The following COL6A3 variants were observed in gnomAD, a reference collection of about 807,000 sequenced individuals.
COL6A3 encodes the protein collagen alpha-3(VI) chain.
A neutral mutation model predicts 274.1 loss-of-function variants in COL6A3; 137 were observed. The ratio of observed to expected loss-of-function variants is 0.50; its 90% CI spans 0.44 to 0.58. COL6A3 has a LOEUF of 0.58. Ranked by LOEUF, COL6A3 falls within the 20% of genes least tolerant of loss-of-function variation. The probability of loss-of-function intolerance (pLI) is 0.00; values close to 1 mark genes in which losing one functional copy is unlikely to be tolerated. For missense variants in COL6A3, 3,950 were observed against 4,124.9 expected (o/e 0.96, Z 1.16); for synonymous variants, 1,650 against 1,650.6 (o/e 1.00, Z 0.01).
chr2:237,338,635 G>A (rs1398322037), intron 39 of COL6A3, among the ~76,000 whole-genome samples: 1 of 152,174 alleles, frequency 6.6e-6, no homozygotes, highest in Non-Finnish European at 1.5e-5. Flanking sequence ...AGGCATGGCT[G>A]CATGCACCTG....
chr2:237,337,064 T>C, intron 39 of COL6A3, among the ~76,000 whole-genome samples: 1 of 152,296 alleles, frequency 6.6e-6, no homozygotes, highest in Admixed American at 6.5e-5. Flanking sequence ...TATTTTTTTT[T>C]ACAATTTCTT....
chr2:237,366,962 C>G lies in COL6A3; in HGVS notation c.5225G>C (p.Arg1742Pro), dbSNP rs886042855. Residue 1742 changes from arginine to proline, a missense_variant, in exon 11 of 44, where the codon CGG becomes CCG. By Grantham distance (103) the Arg-to-Pro change is moderately radical (BLOSUM62 -2). Coordinates refer to ENST00000295550, the MANE Select transcript of COL6A3 (RefSeq NM_004369.4). ...VPEAGSRLDQ[R>P]VPQIAFVITG... is the part of the protein sequence containing the mutation. ...GATCACAAAGGCAATCTGAGGGACCCGCTGGTCCAGGCGGCTGCCTGCCTC... is the reference window on the plus strand; with the variant it reads ...GATCACAAAGGCAATCTGAGGGACCGGCTGGTCCAGGCGGCTGCCTGCCTC... The G allele has an allele frequency of 6.2e-7, 1 of 1,614,244 alleles. No individual in the cohort carries two copies. Among genetic ancestry groups the G allele is most frequent in the East Asian group, 2.2e-5 (1 of 44,888 alleles).
chr2:237,369,079 T>C lies in COL6A3; in HGVS notation c.4384A>G (p.Ile1462Val), dbSNP rs1350113779. ...GGGCCGATGTTGAGTCTTCGAACAA[T>C]CCTGCTAACAAAATCTCGAATATGT... ...FAHIRDFVSRIVRRLNIGPSK... is the reference protein window; with the variant it reads ...FAHIRDFVSRVVRRLNIGPSK... The change falls in exon 10 of 44, where the codon ATT (isoleucine) becomes GTT (valine). Residue 1462 changes from isoleucine to valine, a missense_variant. This residue lies in a region of COL6A3 where 1,934 missense variants were observed against 1,984.3 expected (regional missense o/e 0.97). Coordinates refer to ENST00000295550, the MANE Select transcript of COL6A3 (RefSeq NM_004369.4). 6.2e-7 allele frequency: 1 copy of C among 1,614,206 alleles called. No homozygotes were observed. Among genetic ancestry groups the C allele is most frequent in the Admixed American group, 1.7e-5 (1 of 60,026 alleles).
intron 41 of COL6A3, 56 bp downstream of exon 41, chr2:237,334,570 C>T: frequency 6.3e-7 from 1 of 1,577,586 alleles, no homozygotes; most frequent in Non-Finnish European, 8.7e-7. Flanking sequence ...CCTTTGTGTC[C>T]TATTTGATAC....
intron 10 of COL6A3, among the ~76,000 whole-genome samples, chr2:237,367,854 T>TA (rs1270128478): frequency 9.2e-5 from 14 of 152,116 alleles, no homozygotes; most frequent in Non-Finnish European, 1.6e-4. Context: ...TTCTTGATTA[T>TA]AATTAAGCAA....
chr2:237,409,406 A>T (rs12477690), intron 1 of COL6A3, among the ~76,000 whole-genome samples: 38,764 of 152,086 alleles, frequency 0.25, 5,226 homozygotes, highest in Admixed American at 0.37. Flanking sequence ...TCAACTCGTC[A>T]TTTAGCATTA....
In COL6A3 at chr2:237,336,664, AGT is replaced by A. The variant is rs1700569620; in HGVS notation, c.8568-134_8568-133del. 4 of 830,626 alleles carry A rather than the reference AGT, an allele frequency of 4.8e-6. 1 individual carries two copies. The South Asian group carries it at 7.1e-5, about 15-fold the overall frequency. The allele number at this position is 830,626 out of a possible 1,614,324, so 51.5% of individuals were successfully genotyped here. A position where few individuals can be genotyped will look rare whatever the true frequency, so the allele number is the denominator to read the frequency against. On this transcript the variant is annotated intron_variant, in intron 39 of 43. Transcript: ENST00000295550. ...ATAGTTTTTATAGATTATGTATAGC[AGT>A]GCATATATTAAATTCCTTCTTTTAA...
chr2:237,390,029 T>G (rs1469745849), intron 3 of COL6A3, among the ~76,000 whole-genome samples: 1 of 152,080 alleles, frequency 6.6e-6, no homozygotes, highest in Non-Finnish European at 1.5e-5. Flanking sequence ...ATACAGAGGC[T>G]CCACAAATTC....
At chr2:237,395,526 G>T (rs945534682) in intron 2 of COL6A3, among the ~76,000 whole-genome samples, 7 of 152,160 alleles carry the variant, frequency 4.6e-5, no homozygotes, top group Non-Finnish European at 1.0e-4. Flanking sequence ...GGCAGTTTGA[G>T]CCCCAAGACC....
chr2:237,394,490 C>T, intron 3 of COL6A3, 97 bp downstream of exon 3: 1 of 1,516,760 alleles, frequency 6.6e-7, no homozygotes, highest in South Asian at 1.1e-5. Context: ...TTCCCTGGCC[C>T]ACCCGCCATC....
chr2:237,411,097 G>A (rs1026529526), intron 1 of COL6A3, among the ~76,000 whole-genome samples: 2 of 152,144 alleles, frequency 1.3e-5, no homozygotes, highest in African/African-American at 4.8e-5. Context: ...GCTGCAGCCA[G>A]GACACCATGA....
chr2:237,402,680 T>C (rs1286295778), intron 1 of COL6A3, among the ~76,000 whole-genome samples: 1 of 152,212 alleles, frequency 6.6e-6, no homozygotes, highest in East Asian at 1.9e-4. Context: ...ATGTTAGGGT[T>C]TGGCAAAGAA....
chr2:237,395,200 G>T lies in COL6A3; in HGVS notation c.96C>A (p.Val32=). 1.2e-6 allele frequency: 2 copies of T among 1,613,012 alleles called. No individual in the cohort carries two copies. Among genetic ancestry groups the T allele is most frequent in the South Asian group, 2.2e-5 (2 of 91,020 alleles). ...TTHAQQQQAD[V]KNGAAADIIF... ...TTATATCAGCAGCCGCACCATTTTT[G>T]ACATCTTTAAAAAAAGACATTGGTT... Residue 32 remains valine (V), a synonymous_variant, in exon 3 of 44, where the codon GTC becomes GTA. Coordinates refer to ENST00000295550, the MANE Select transcript of COL6A3 (RefSeq NM_004369.4).
intron 1 of COL6A3, among the ~76,000 whole-genome samples, chr2:237,403,593 T>C (rs758817667): frequency 2.0e-5 from 3 of 152,148 alleles, no homozygotes; most frequent in Non-Finnish European, 4.4e-5. Context: ...TGAGTGGTGA[T>C]AGCGGCAGTA....
Position 237,335,071 on chromosome 2 carries a change from A to G in COL6A3, c.8966-182T>C, listed in dbSNP as rs1157356504. On this transcript the variant is annotated intron_variant, in intron 40 of 43. Transcript: ENST00000295550. ...AACATTGCTCTTATAATCTATCAGC[A>G]TACATGAAATGTGAAATTCACAGTA... 2.6e-5 allele frequency among the ~76,000 whole-genome samples: 4 copies of G among 152,228 alleles called. No individual in the cohort carries two copies. The South Asian group carries it at 6.2e-4, about 24-fold the overall frequency.
chr2:237,336,617 T>C (rs1700567551), intron 39 of COL6A3, 85 bp from the exon 40 acceptor site: 3 of 1,451,776 alleles, frequency 2.1e-6, no homozygotes, highest in Non-Finnish European at 2.9e-6. Context: ...TACATTAAAT[T>C]TGTTTTAGCA....
chr2:237,338,923 G>A, intron 39 of COL6A3, 92 bp downstream of exon 39: 1 of 925,420 alleles, frequency 1.1e-6, no homozygotes, highest in Non-Finnish European at 1.7e-6. Flanking sequence ...TGGATTTCAA[G>A]GTCCTCATCC....
intron 30 of COL6A3, among the ~76,000 whole-genome samples, chr2:237,348,105 A>G (rs1339480713): frequency 6.6e-6 from 1 of 152,240 alleles, no homozygotes; most frequent in Non-Finnish European, 1.5e-5. Flanking sequence ...TTCACAGCTT[A>G]CAGAGTACTT....
intron 24 of COL6A3, among the ~76,000 whole-genome samples, chr2:237,353,925 G>A (rs779552775): frequency 8.5e-5 from 13 of 152,106 alleles, no homozygotes; most frequent in Non-Finnish European, 1.5e-4. Context: ...CCCCAAAATC[G>A]CTAAGCCAAA....
Sources: allele counts gnomAD v4.1 joint callset (sites outside exome capture counted in the v4.1 genomes callset), GRCh38; gene constraint gnomAD v4.1.1; regional missense constraint gnomAD v4.1.1; transcripts MANE v1.5; gene names NCBI Gene and HGNC (gene_info 2026-07-23, HGNC 2026-07-21).